Variants in ADAMTS6 observed in about 807,000 individuals in gnomAD.
The protein encoded by ADAMTS6 is ADAM metallopeptidase with thrombospondin type 1 motif 6, also known as A disintegrin and metalloproteinase with thrombospondin motifs 6.
A neutral mutation model predicts 144.3 loss-of-function variants in ADAMTS6; 23 were observed. The ratio of observed to expected loss-of-function variants is 0.16; its 90% CI spans 0.11 to 0.23. The LOEUF (loss-of-function observed/expected upper bound fraction) is 0.23. Among genes scored for constraint, ADAMTS6 ranks in the 10% least tolerant of loss-of-function variants. The pLI is 1.00. For synonymous variants in ADAMTS6, 444 were observed against 457.5 expected, an observed-to-expected ratio of 0.97 and a Z score of 0.38; for missense variants, 999 against 1,379.6, an observed-to-expected ratio of 0.72 and a Z score of 4.37.
At chr5:65,343,061 A>G (rs4700080) in intron 7 of ADAMTS6, among the ~76,000 whole-genome samples, 12,017 of 152,056 alleles carry the variant, frequency 0.079, 729 homozygotes, top group African/African-American at 0.17. Flanking sequence ...ACACAAACCA[A>G]TGGAAAGATA....
chr5:65,232,373 AATAG>A (rs1324287132), intron 15 of ADAMTS6, among the ~76,000 whole-genome samples: 4 of 152,166 alleles, frequency 2.6e-5, no homozygotes, highest in African/African-American at 4.8e-5. Flanking sequence ...TCAGGGCAGA[AATAG>A]ATAGAGAAAA....
intron 7 of ADAMTS6, among the ~76,000 whole-genome samples, chr5:65,362,434 ATGT>A (rs1749917851): frequency 2.0e-5 from 3 of 152,184 alleles, no homozygotes; most frequent in Non-Finnish European, 4.4e-5. Context: ...ATTTCATTTC[ATGT>A]TGTCGTTTTG....
chr5:65,226,187 C>T lies in ADAMTS6; in HGVS notation c.1966G>A (p.Ala656Thr). The T allele has an allele frequency of 6.8e-6, 11 of 1,613,632 alleles. No homozygotes were observed. Among genetic ancestry groups the T allele is most frequent in the Non-Finnish European group, 9.3e-6 (11 of 1,179,748 alleles). Residue 656 changes from alanine to threonine, a missense_variant, in exon 16 of 25, where the codon GCT (alanine) becomes ACT (threonine). Around this residue, in one of 3 missense-constraint regions of ADAMTS6, gnomAD observed 619 missense variants for 837.0 expected, o/e 0.74. Transcript: ENST00000381055. ...TCAGTGTAGAAATTATAACCTTCAG[C>T]CAAGCAGTTTAATGCACAAGGTTTT... Reference protein sequence around the residue: ...GVKPCALNCLAEGYNFYTERA... With the variant: ...GVKPCALNCLTEGYNFYTERA...
chr5:65,229,559 CAG>C (rs931480599), intron 15 of ADAMTS6, among the ~76,000 whole-genome samples: 1 of 151,838 alleles, frequency 6.6e-6, no homozygotes, highest in African/African-American at 2.4e-5. Flanking sequence ...TTAATGAAAT[CAG>C]AAAAACAATA....
intron 4 of ADAMTS6, among the ~76,000 whole-genome samples, chr5:65,459,384 C>T (rs1759477821): frequency 6.6e-6 from 1 of 152,136 alleles, no homozygotes; most frequent in South Asian, 2.1e-4. Context: ...GGTTTATAAG[C>T]TCTTCATGAT....
rs1196846459 is a variant in ADAMTS6, at chr5:65,228,367, T to C, written c.1934-2148A>G. Among the ~76,000 whole-genome samples, 2 of 152,232 alleles carry C rather than the reference T, an allele frequency of 1.3e-5. 1 individual carries two copies. The highest frequency in any genetic ancestry group is 1.3e-4 in the Admixed American group (2 of 15,282). On this transcript the variant is annotated intron_variant, in intron 15 of 24. Transcript: ENST00000381055. ...TTCCTTAGCCCACTATACTAAGTGA[T>C]GAAAATGGGAATAAGTTTCTTGTTT...
At chr5:65,281,572 C>T (rs1187299143) in intron 11 of ADAMTS6, among the ~76,000 whole-genome samples, 2 of 151,988 alleles carry the variant, frequency 1.3e-5, no homozygotes, top group Non-Finnish European at 2.9e-5. Flanking sequence ...GTTTCAAGGT[C>T]TTCCAAGAAA....
intron 11 of ADAMTS6, among the ~76,000 whole-genome samples, chr5:65,284,259 T>C (rs948758430): frequency 1.3e-5 from 2 of 152,036 alleles, no homozygotes; most frequent in Admixed American, 6.6e-5. Context: ...AAAGGATACC[T>C]TGATCAGAGA....
chr5:65,381,884 G>A (rs956510912), intron 7 of ADAMTS6, among the ~76,000 whole-genome samples: 8 of 152,118 alleles, frequency 5.3e-5, no homozygotes, highest in Non-Finnish European at 8.8e-5. Flanking sequence ...CTTGATAAAT[G>A]CCATTCTGTG....
chr5:65,407,875 G>A (rs1754690955), intron 7 of ADAMTS6, among the ~76,000 whole-genome samples: 1 of 152,136 alleles, frequency 6.6e-6, no homozygotes, highest in South Asian at 2.1e-4. Context: ...TTTCAAACCA[G>A]AATTTCATAT....
intron 7 of ADAMTS6, among the ~76,000 whole-genome samples, chr5:65,448,467 CTTTT>C (rs34477699): frequency 1.4e-5 from 2 of 146,858 alleles, no homozygotes; most frequent in African/African-American, 5.0e-5. Flanking sequence ...CTCTGGCATT[CTTTT>C]TTTTTTTTGC....
chr5:65,340,515 G>A (rs1343906481), intron 7 of ADAMTS6, among the ~76,000 whole-genome samples: 2 of 151,582 alleles, frequency 1.3e-5, no homozygotes, highest in Admixed American at 6.6e-5. Context: ...ACCACCCAAT[G>A]GTAAAAGTAA....
At chr5:65,344,501 G>A (rs915066145) in intron 7 of ADAMTS6, among the ~76,000 whole-genome samples, 7 of 151,672 alleles carry the variant, frequency 4.6e-5, no homozygotes, top group African/African-American at 1.7e-4. Flanking sequence ...TCATTTTAAT[G>A]GCTTTATCAT....
intron 7 of ADAMTS6, among the ~76,000 whole-genome samples, chr5:65,409,568 T>C (rs1754874114): frequency 6.6e-6 from 1 of 152,024 alleles, no homozygotes; most frequent in Non-Finnish European, 1.5e-5. Context: ...CTACCAGAGG[T>C]ACAAGGAGGA....
chr5:65,343,119 C>G (rs1293674145), intron 7 of ADAMTS6, among the ~76,000 whole-genome samples: 1 of 152,098 alleles, frequency 6.6e-6, no homozygotes. Context: ...AATGACCATA[C>G]TACCCAAATC....
At chr5:65,228,506 A>G (rs1757893510) in intron 15 of ADAMTS6, among the ~76,000 whole-genome samples, 1 of 152,198 alleles carries the variant, frequency 6.6e-6, no homozygotes, top group Non-Finnish European at 1.5e-5. Context: ...ATCTCCCTGC[A>G]GAAGGATCAA....
intron 15 of ADAMTS6, among the ~76,000 whole-genome samples, chr5:65,229,516 A>G (rs1035613536): frequency 6.6e-6 from 1 of 152,182 alleles, no homozygotes. Context: ...TGTTTTAAGG[A>G]AGGTGAGGGA....
chr5:65,337,456 G>A (rs1280280601), intron 7 of ADAMTS6, among the ~76,000 whole-genome samples: 1 of 151,166 alleles, frequency 6.6e-6, no homozygotes, highest in Non-Finnish European at 1.5e-5. Context: ...ATAAATTCCT[G>A]ATTCTTTCCT....
At chr5:65,338,300 G>A (rs560017311) in intron 7 of ADAMTS6, among the ~76,000 whole-genome samples, 33 of 152,326 alleles carry the variant, frequency 2.2e-4, no homozygotes, top group Non-Finnish European at 3.2e-4. Context: ...ACTTTTGAGT[G>A]AGTAGATGAA....
Sources: allele counts gnomAD v4.1 joint callset (sites outside exome capture counted in the v4.1 genomes callset), GRCh38; gene constraint gnomAD v4.1.1; regional missense constraint gnomAD v4.1.1; transcripts MANE v1.5; gene names NCBI Gene and HGNC (gene_info 2026-07-23, HGNC 2026-07-21).